The following CPQ variants were observed in gnomAD, a reference collection of about 807,000 sequenced individuals.
CPQ encodes Ser-Met dipeptidase.
CPQ carries 37 observed loss-of-function variants against 45.7 expected under a neutral mutation model. The observed-to-expected ratio is 0.81, with a 90% CI of 0.62 to 1.07. The LOEUF is 1.07. CPQ is among the 50% of genes least tolerant of loss of function. The pLI, the probability that CPQ is intolerant of heterozygous loss-of-function variation, is 0.00. For synonymous variants in CPQ, 186 were observed against 205.8 expected, an observed-to-expected ratio of 0.90 and a Z score of 0.82; for missense variants, 537 against 572.9, an observed-to-expected ratio of 0.94 and a Z score of 0.64.
At chr8:96,726,403 A>C (rs1809839833) in intron 1 of CPQ, among the ~76,000 whole-genome samples, 1 of 152,184 alleles carries the variant, frequency 6.6e-6, no homozygotes, top group South Asian at 2.1e-4. Context: ...TATAAAGAAA[A>C]GAGGTTTAAT....
At chr8:96,698,480 A>G (rs927501641) in intron 1 of CPQ, among the ~76,000 whole-genome samples, 1 of 152,136 alleles carries the variant, frequency 6.6e-6, no homozygotes, top group Non-Finnish European at 1.5e-5. Context: ...ACAGGCAACC[A>G]CCGCAAAAAT....
chr8:96,768,561 C>T (rs916856520), intron 1 of CPQ, among the ~76,000 whole-genome samples: 1 of 152,136 alleles, frequency 6.6e-6, no homozygotes, highest in Non-Finnish European at 1.5e-5. Flanking sequence ...ATTGTACCAG[C>T]ATATCAGATT....
chr8:96,929,654 A>G (rs1197028592), intron 4 of CPQ, among the ~76,000 whole-genome samples: 1 of 152,170 alleles, frequency 6.6e-6, no homozygotes, highest in African/African-American at 2.4e-5. Context: ...AATTTTTTCT[A>G]TGTCTATCTT....
At chr8:96,739,385 T>C (rs1291164720) in intron 1 of CPQ, among the ~76,000 whole-genome samples, 11 of 90,140 alleles carry the variant, frequency 1.2e-4, no homozygotes, top group East Asian at 3.2e-4. Flanking sequence ...GAGTAGGTTG[T>C]GAAAATTTTC....
intron 7 of CPQ, among the ~76,000 whole-genome samples, chr8:97,106,018 T>C (rs1208081965): frequency 6.6e-6 from 1 of 152,238 alleles, no homozygotes; most frequent in Non-Finnish European, 1.5e-5. Context: ...TTACAGAATT[T>C]TAATAACTTC....
At chr8:97,081,427 G>T (rs1218237022) in intron 7 of CPQ, among the ~76,000 whole-genome samples, 2 of 152,136 alleles carry the variant, frequency 1.3e-5, no homozygotes, top group Admixed American at 6.6e-5. Context: ...ATGTGTTAAG[G>T]TTAGAGTTGT....
At chr8:96,769,626 A>ATTTTTTTTTT (rs34672966) in intron 1 of CPQ, among the ~76,000 whole-genome samples, 1 of 112,664 alleles carries the variant, frequency 8.9e-6, no homozygotes, top group Non-Finnish European at 1.8e-5. Context: ...TGTTTACTGG[A>ATTTTTTTTTT]TTTTTTTTTT....
At chr8:96,966,572 C>T (rs1376394535) in intron 5 of CPQ, among the ~76,000 whole-genome samples, 2 of 152,188 alleles carry the variant, frequency 1.3e-5, no homozygotes, top group African/African-American at 4.8e-5. Context: ...GCATCCCTGA[C>T]CTCTTCCCAC....
At position 97,117,766 on chromosome 8, in the gene CPQ, C is replaced by T. The variant is rs919072240; in HGVS notation, c.1256-25254C>T. ...GTTGCCCAGGCTGGTCTCAAACTTCCAGTCTCAAGCAATTATCCTGTCTTG... is the reference window on the plus strand; with the variant it reads ...GTTGCCCAGGCTGGTCTCAAACTTCTAGTCTCAAGCAATTATCCTGTCTTG... On this transcript the variant is annotated intron_variant, in intron 7 of 7. Coordinates refer to ENST00000220763, the MANE Select transcript of CPQ (RefSeq NM_016134.4). 4.4e-4 allele frequency among the ~76,000 whole-genome samples: 67 copies of T among 152,074 alleles called. 1 individual carries two copies. Among genetic ancestry groups the T allele is most frequent in the African/African-American group, 1.6e-3 (65 of 41,516 alleles).
At chr8:97,106,533 C>T (rs1282603204) in intron 7 of CPQ, among the ~76,000 whole-genome samples, 1 of 152,204 alleles carries the variant, frequency 6.6e-6, no homozygotes, top group Non-Finnish European at 1.5e-5. Flanking sequence ...CCACTGGCCA[C>T]ATGTGGCTAA....
At chr8:96,680,889 G>A (rs1158184642) in intron 1 of CPQ, among the ~76,000 whole-genome samples, 1 of 152,166 alleles carries the variant, frequency 6.6e-6, no homozygotes, top group East Asian at 1.9e-4. Context: ...TGAAGCAAAG[G>A]TTATGTTTTA....
In CPQ at chr8:96,695,516, A is replaced by G. The variant is rs1023016091; in HGVS notation, c.-35+50114A>G. Among the ~76,000 whole-genome samples, 12 of 152,212 alleles carry G rather than the reference A, an allele frequency of 7.9e-5. No individual in the cohort carries two copies. In the East Asian group the frequency reaches 9.7e-4, roughly 12 times the overall value. On this transcript the variant is annotated intron_variant, in intron 1 of 7. Coordinates refer to ENST00000220763, the MANE Select transcript of CPQ (RefSeq NM_016134.4). ...GAGTGAACAGGCAACCTACAAAATG[A>G]GAGAAAATTTTCGCAACCTACTCTT... is the stretch of plus-strand genomic sequence containing the variant.
intron 4 of CPQ, among the ~76,000 whole-genome samples, chr8:96,933,985 G>A (rs963836567): frequency 2.6e-5 from 4 of 152,176 alleles, no homozygotes; most frequent in African/African-American, 9.6e-5. Context: ...ATGTTCACAA[G>A]GAACCTAACA....
In CPQ at chr8:97,104,600, C is replaced by T. The variant is rs547609634; in HGVS notation, c.1255+38390C>T. 2.0e-5 allele frequency among the ~76,000 whole-genome samples: 3 copies of T among 152,306 alleles called. No homozygotes were observed. The South Asian group carries it at 6.2e-4, about 32-fold the overall frequency. On this transcript the variant is annotated intron_variant, in intron 7 of 7. Transcript: ENST00000220763. ...AAGTAAACACACAGTTACACACACA[C>T]AATTTATATGACCTGTTTTGTAAAC...
intron 4 of CPQ, among the ~76,000 whole-genome samples, chr8:96,936,287 T>C (rs966267905): frequency 5.9e-5 from 9 of 152,282 alleles, no homozygotes; most frequent in South Asian, 2.1e-4. Context: ...GAATGGAAGT[T>C]TTGCCTAACA....
chr8:97,085,824 T>G (rs1811032812), intron 7 of CPQ, among the ~76,000 whole-genome samples: 1 of 152,210 alleles, frequency 6.6e-6, no homozygotes, highest in South Asian at 2.1e-4. Flanking sequence ...TAAAGCCAAT[T>G]GTGGTTTCAT....
intron 2 of CPQ, among the ~76,000 whole-genome samples, chr8:96,792,406 T>C (rs902015607): frequency 2.6e-5 from 4 of 152,246 alleles, no homozygotes; most frequent in Non-Finnish European, 5.9e-5. Context: ...TGGGTCTTCA[T>C]GGTTTATGGT....
chr8:97,061,038 A>C (rs1002017422), intron 6 of CPQ, among the ~76,000 whole-genome samples: 9 of 152,180 alleles, frequency 5.9e-5, no homozygotes, highest in African/African-American at 2.2e-4. Context: ...TATTGAAAAC[A>C]TATGGAGATG....
intron 4 of CPQ, among the ~76,000 whole-genome samples, chr8:96,887,605 C>T (rs1282382464): frequency 1.3e-5 from 2 of 151,686 alleles, no homozygotes; most frequent in African/African-American, 4.9e-5. Flanking sequence ...TCTCTCTCAC[C>T]AGTAATGGAT....
Sources: gnomAD v4.1 joint callset for allele counts (sites outside exome capture counted in the v4.1 genomes callset) on GRCh38, gnomAD v4.1.1 for gene constraint, MANE v1.5 for transcripts, NCBI Gene and HGNC (gene_info 2026-07-23, HGNC 2026-07-21) for gene names.